NFIA: variants seen among roughly 807,000 people sequenced by gnomAD.
The protein encoded by NFIA is nuclear factor I A, also known as nuclear factor 1 A-type.
NFIA carries 8 observed loss-of-function variants against 62.8 expected under a neutral mutation model. That is an observed-to-expected ratio of 0.13 (90% CI 0.07 to 0.23). The LOEUF is 0.23. Ranked by LOEUF, NFIA falls within the 10% of genes least tolerant of loss-of-function variation. The pLI is 1.00. For synonymous variants in NFIA, 235 were observed against 238.1 expected, an observed-to-expected ratio of 0.99 and a Z score of 0.12; for missense variants, 410 against 642.1, an observed-to-expected ratio of 0.64 and a Z score of 3.91.
chr1:61,081,814 A>G (rs572550265), upstream of NFIA: 329 of 1,468,228 alleles, frequency 2.2e-4, no homozygotes, highest in Non-Finnish European at 2.8e-4. Context: ...GTGCATAATT[A>G]CCTCTGCCGA....
intron 3 of NFIA, among the ~76,000 whole-genome samples, chr1:61,328,459 T>C (rs1661085866): frequency 6.6e-6 from 1 of 151,864 alleles, no homozygotes; most frequent in Non-Finnish European, 1.5e-5. Flanking sequence ...TTCGCTCTTA[T>C]TGCCCAAGCT....
intron 2 of NFIA, among the ~76,000 whole-genome samples, chr1:61,169,096 A>G (rs1435621004): frequency 6.6e-6 from 1 of 152,146 alleles, no homozygotes; most frequent in Non-Finnish European, 1.5e-5. Flanking sequence ...GGGATCTTTT[A>G]TTTGCAAAAT....
Position 61,406,613 on chromosome 1 carries a change from A to T in NFIA, c.1306A>T (p.Met436Leu). ...KVHNPFLPTP[M>L]LPPPPPPPMA... ...GCACAACCCATTCCTTCCCACCCCA[A>T]TGTTGCCACCGCCACCGCCACCACC... The change falls in exon 9 of 11, where the codon ATG (methionine) becomes TTG (leucine). Residue 436 changes from methionine to leucine, a missense_variant. Transcript: ENST00000403491. The T allele has an allele frequency of 6.8e-7, 1 of 1,475,478 alleles. No homozygotes were observed. Among genetic ancestry groups the T allele is most frequent in the Non-Finnish European group, 9.1e-7 (1 of 1,104,754 alleles). 91.4% of individuals were successfully genotyped at this position (1,475,478 alleles called of 1,614,324 possible).
intron 2 of NFIA, among the ~76,000 whole-genome samples, chr1:61,102,933 C>T (rs1646536957): frequency 6.6e-6 from 1 of 152,158 alleles, no homozygotes; most frequent in African/African-American, 2.4e-5. Flanking sequence ...GAGGGTGTTT[C>T]AAGACTTAGG....
At chr1:61,323,025 T>G (rs11810930) in intron 3 of NFIA, among the ~76,000 whole-genome samples, 13,693 of 152,238 alleles carry the variant, frequency 0.09, 829 homozygotes, top group East Asian at 0.2. Flanking sequence ...GGTGTCTGTA[T>G]TGAGTAACAG....
At chr1:61,214,802 T>C (rs1204867899) in intron 2 of NFIA, among the ~76,000 whole-genome samples, 1 of 152,236 alleles carries the variant, frequency 6.6e-6, no homozygotes, top group Non-Finnish European at 1.5e-5. Flanking sequence ...GTACATACTT[T>C]GTTTACTACC....
intron 1 of NFIA, among the ~76,000 whole-genome samples, chr1:61,085,453 A>G (rs1352628896): frequency 1.3e-5 from 2 of 152,166 alleles, no homozygotes; most frequent in African/African-American, 2.4e-5. Flanking sequence ...TTGGTGGCCT[A>G]TAACTTTCTC....
intron 7 of NFIA, among the ~76,000 whole-genome samples, chr1:61,395,549 C>T (rs906659905): frequency 1.3e-5 from 2 of 152,144 alleles, no homozygotes; most frequent in Admixed American, 6.5e-5. Flanking sequence ...TTCATTTAGT[C>T]TCACAGTAGT....
intron 7 of NFIA, among the ~76,000 whole-genome samples, chr1:61,399,027 T>C (rs1360491703): frequency 2.6e-5 from 4 of 152,228 alleles, no homozygotes; most frequent in African/African-American, 9.6e-5. Flanking sequence ...CTTTTGAAGC[T>C]TTGCCGTATT....
At chr1:61,445,638 C>G (rs1667774805) in intron 10 of NFIA, among the ~76,000 whole-genome samples, 1 of 152,120 alleles carries the variant, frequency 6.6e-6, no homozygotes, top group Admixed American at 6.5e-5. Context: ...TTTGGGCTTT[C>G]AGGATAACAC....
At position 61,461,072 on chromosome 1, in the gene NFIA, T is replaced by C. The variant is rs981145874; in HGVS notation, c.*5752T>C. ...ATGGGTGTTTGATTTCAGAAATCAGTACCTGGCGAGATTTTTGTCTCAAAA... is the reference window on the plus strand; with the variant it reads ...ATGGGTGTTTGATTTCAGAAATCAGCACCTGGCGAGATTTTTGTCTCAAAA... On this transcript the variant is annotated 3_prime_UTR_variant, in exon 11 of 11. Coordinates refer to ENST00000403491, the MANE Select transcript of NFIA (RefSeq NM_001134673.4). 2 of 152,188 alleles carry C rather than the reference T, an allele frequency of 1.3e-5. No individual in the cohort carries two copies. Among genetic ancestry groups the C allele is most frequent in the African/African-American group, 4.8e-5 (2 of 41,436 alleles). 9.4% of individuals were successfully genotyped at this position (152,188 alleles called of 1,614,324 possible). A position where few individuals can be genotyped will look rare whatever the true frequency, so the allele number is the denominator to read the frequency against.
At chr1:61,089,695 C>CTTTTTTTTTTTTTTTTTT (rs918196815) in intron 2 of NFIA, among the ~76,000 whole-genome samples, 28 of 107,752 alleles carry the variant, frequency 2.6e-4, no homozygotes, top group Non-Finnish European at 4.3e-4. Flanking sequence ...GTTTTTTTTT[C>CTTTTTTTTTTTTTTTTTT]TTTTTTTTTT....
At chr1:61,330,440 C>CA (rs964354799) in intron 3 of NFIA, among the ~76,000 whole-genome samples, 13 of 85,920 alleles carry the variant, frequency 1.5e-4, no homozygotes, top group Non-Finnish European at 3.0e-4. Context: ...AGATACACCC[C>CA]CCCCACACAC....
At chr1:61,099,576 T>A (rs534986316) in intron 2 of NFIA, among the ~76,000 whole-genome samples, 6 of 152,290 alleles carry the variant, frequency 3.9e-5, no homozygotes, top group South Asian at 2.1e-4. Flanking sequence ...AATTTTTTGG[T>A]CCTTTTTAAC....
At position 61,088,611 on chromosome 1, in the gene NFIA, C is replaced by T; in HGVS notation, c.490C>T (p.Gln164Ter). The change falls in exon 2 of 11, where the codon CAA (glutamine) becomes TAA (stop). Residue 164 changes from glutamine (Q) to a stop codon, truncating the protein, a stop_gained. Coordinates refer to ENST00000403491, the MANE Select transcript of NFIA (RefSeq NM_001134673.4). LOFTEE classifies it high-confidence loss of function. This position sits in a 1 kb window ranked among gnomAD's most constrained non-coding sequence, Gnocchi z 4.5. ...PQCSNPGLCV[Q>*]PHHIGVSVKE... ...ATGCTCTAATCCAGGGCTCTGTGTC[C>T]AACCCCATCACATAGGGGTTTCTGT... 6.2e-7 allele frequency: 1 copy of T among 1,614,146 alleles called. No homozygotes were observed. The highest frequency in any genetic ancestry group is 8.5e-7 in the Non-Finnish European group (1 of 1,179,998).
intron 3 of NFIA, among the ~76,000 whole-genome samples, chr1:61,316,758 G>C (rs1258753159): frequency 6.6e-6 from 1 of 152,158 alleles, no homozygotes; most frequent in East Asian, 1.9e-4. Context: ...AATGATCAAA[G>C]TCAGTCAAGT....
intron 6 of NFIA, among the ~76,000 whole-genome samples, chr1:61,374,513 T>C (rs2100469013): frequency 6.6e-6 from 1 of 152,314 alleles, no homozygotes; most frequent in East Asian, 1.9e-4. Flanking sequence ...AGAAACCAGA[T>C]TTTTATATGA....
intron 3 of NFIA, among the ~76,000 whole-genome samples, chr1:61,284,488 C>T (rs954690598): frequency 3.3e-5 from 5 of 152,070 alleles, no homozygotes; most frequent in Non-Finnish European, 7.3e-5. Flanking sequence ...TGGGGGCTTC[C>T]CCAAGTGCAT....
chr1:61,446,153 C>T (rs1016068121), intron 10 of NFIA, among the ~76,000 whole-genome samples: 2 of 152,210 alleles, frequency 1.3e-5, no homozygotes, highest in Non-Finnish European at 2.9e-5. Flanking sequence ...GGCCCCTCAG[C>T]AAGCCAGTGA....
Sources: allele counts gnomAD v4.1 joint callset (sites outside exome capture counted in the v4.1 genomes callset), GRCh38; gene constraint gnomAD v4.1.1; non-coding constraint Gnocchi (gnomAD v3.1); transcripts MANE v1.5; gene names NCBI Gene and HGNC (gene_info 2026-07-23, HGNC 2026-07-21).